Variants in TFAM observed in about 807,000 individuals in gnomAD.
The protein encoded by TFAM is mitochondrial transcription factor 1.
TFAM carries 13 observed loss-of-function variants against 30.6 expected under a neutral mutation model. That is an observed-to-expected ratio of 0.42 (90% CI 0.28 to 0.67). The LOEUF is 0.67. Among genes scored for constraint, TFAM ranks in the 30% least tolerant of loss-of-function variants. TFAM has a pLI of 0.21. For synonymous variants in TFAM, 106 were observed against 94.8 expected, an observed-to-expected ratio of 1.12 and a Z score of -0.69; for missense variants, 231 against 293.7, an observed-to-expected ratio of 0.79 and a Z score of 1.56.
At chr10:58,385,840 G>T (rs1840476967) in intron 1 of TFAM, among the ~76,000 whole-genome samples, 192 bp downstream of exon 1, 1 of 152,098 alleles carries the variant, frequency 6.6e-6, no homozygotes, top group Non-Finnish European at 1.5e-5. Flanking sequence ...TTAATACGCC[G>T]TACCTTCTTG....
Position 58,398,668 on chromosome 10 carries a change from T to A in TFAM, c.*3594T>A, listed in dbSNP as rs1840733800. Reference sequence around the variant, plus strand: ...AAGTAATTAGAACACTTTATTGATTTTTCTGATGTTTTCTGTATCTAAAAT... The same window carrying A: ...AAGTAATTAGAACACTTTATTGATTATTCTGATGTTTTCTGTATCTAAAAT... On this transcript the variant is annotated 3_prime_UTR_variant, in exon 7 of 7. Transcript: ENST00000487519. 1 of 152,226 alleles carries A rather than the reference T, an allele frequency of 6.6e-6. No homozygotes were observed. The highest frequency in any genetic ancestry group is 1.5e-5 in the Non-Finnish European group (1 of 68,046). The allele number at this position is 152,226 out of a possible 1,614,324, so 9.4% of individuals were successfully genotyped here.
intron 3 of TFAM, 60 bp from the exon 4 acceptor site, chr10:58,388,610 T>G: frequency 6.3e-7 from 1 of 1,582,742 alleles, no homozygotes; most frequent in South Asian, 1.1e-5. Flanking sequence ...TTCCCTGGCA[T>G]GTGCTATGTT....
rs1806034852 is a variant in TFAM at position 58,397,247 on chromosome 10, C to T, written c.*2173C>T. 6.6e-6 allele frequency: 1 copy of T among 152,128 alleles called. No homozygotes were observed. Among genetic ancestry groups the T allele is most frequent in the Admixed American group, 6.5e-5 (1 of 15,280 alleles). 9.4% of individuals were successfully genotyped at this position (152,128 alleles called of 1,614,324 possible). ...ATAGAGGAATGAGTTACATAAACAT[C>T]TCGGGACAAATGCAGCATAGAAAAC... On this transcript the variant is annotated 3_prime_UTR_variant, in exon 7 of 7. Transcript: ENST00000487519.
In TFAM at chr10:58,398,945, T is replaced by C. The variant is rs549316649; in HGVS notation, c.*3871T>C. 1 of 152,352 alleles carries C rather than the reference T, an allele frequency of 6.6e-6. No individual in the cohort carries two copies. Among genetic ancestry groups the C allele is most frequent in the African/African-American group, 2.4e-5 (1 of 41,580 alleles). The allele number at this position is 152,352 out of a possible 1,614,324, so 9.4% of individuals were successfully genotyped here. ...AGTAATGTTCTTTTTAAAATTGAAC[T>C]TCTGCAGAGTAAGAAAATGAATACA... On this transcript the variant is annotated 3_prime_UTR_variant, in exon 7 of 7. Coordinates refer to ENST00000487519, the MANE Select transcript of TFAM (RefSeq NM_003201.3).
At chr10:58,388,393 T>C (rs976487215) in intron 3 of TFAM, 133 bp downstream of exon 3, 1 of 826,042 alleles carries the variant, frequency 1.2e-6, no homozygotes, top group African/African-American at 1.7e-5. Context: ...CTTTATGTCT[T>C]CTCATCTGCA....
At chr10:58,388,034 G>C (rs1840523316) in intron 2 of TFAM, among the ~76,000 whole-genome samples, 156 bp from the exon 3 acceptor site, 1 of 152,104 alleles carries the variant, frequency 6.6e-6, no homozygotes, top group Non-Finnish European at 1.5e-5. Context: ...GATAATGTTG[G>C]ATAAATTACT....
chr10:58,396,866 T>C lies in TFAM; in HGVS notation c.*1792T>C, dbSNP rs957631542. 4.6e-5 allele frequency: 7 copies of C among 152,184 alleles called. No individual in the cohort carries two copies. Among genetic ancestry groups the C allele is most frequent in the African/African-American group, 1.7e-4 (7 of 41,436 alleles). The allele number at this position is 152,184 out of a possible 1,614,324, so 9.4% of individuals were successfully genotyped here. On this transcript the variant is annotated 3_prime_UTR_variant, in exon 7 of 7. Transcript: ENST00000487519. The stretch of plus-strand genomic sequence containing the variant: ...TTATGAGGAAATATGAGGCTTTAAA[T>C]ATATAAAGTTGGATATTTTAAAATA...
chr10:58,386,090 C>A, intron 1 of TFAM, 130 bp from the exon 2 acceptor site: 1 of 786,794 alleles, frequency 1.3e-6, no homozygotes, highest in East Asian at 2.4e-5. Context: ...AAGTCTCTAG[C>A]ATTCTTGTTG....
intron 5 of TFAM, among the ~76,000 whole-genome samples, chr10:58,392,767 C>T (rs531569482): frequency 4.0e-4 from 61 of 151,884 alleles, no homozygotes; most frequent in Non-Finnish European, 6.3e-4. Flanking sequence ...CTCTGCCTTC[C>T]GGGCTCAAGC....
rs1261713189 is a variant in TFAM at position 58,397,542 on chromosome 10, T to C, written c.*2468T>C. 1 of 152,154 alleles carries C rather than the reference T, an allele frequency of 6.6e-6. No individual in the cohort carries two copies. Among genetic ancestry groups the C allele is most frequent in the Admixed American group, 6.5e-5 (1 of 15,280 alleles). The allele number at this position is 152,154 out of a possible 1,614,324, so 9.4% of individuals were successfully genotyped here. On this transcript the variant is annotated 3_prime_UTR_variant, in exon 7 of 7. Transcript: ENST00000487519. Reference sequence around the variant, plus strand: ...TAAAATAATGTAATTTTTAATATTTTAAATAATAGGATAACCTGGTTTCCA... The same window carrying C: ...TAAAATAATGTAATTTTTAATATTTCAAATAATAGGATAACCTGGTTTCCA...
intron 5 of TFAM, among the ~76,000 whole-genome samples, chr10:58,392,623 A>G (rs1840617779): frequency 6.6e-6 from 1 of 151,844 alleles, no homozygotes; most frequent in Non-Finnish European, 1.5e-5. Context: ...ACAGAGTGAC[A>G]CTATTTTACT....
intron 5 of TFAM, among the ~76,000 whole-genome samples, chr10:58,393,931 A>G (rs1035829860): frequency 1.3e-5 from 2 of 152,098 alleles, no homozygotes; most frequent in East Asian, 3.9e-4. Flanking sequence ...TTAATTTTAT[A>G]AATGAAGAGC....
chr10:58,385,741 A>G (rs1840474081), intron 1 of TFAM, 93 bp downstream of exon 1: 3 of 967,532 alleles, frequency 3.1e-6, no homozygotes, highest in Admixed American at 2.0e-5. Flanking sequence ...TGCCCCTCCT[A>G]GGAGTTCAGA....
intron 5 of TFAM, 151 bp downstream of exon 5, chr10:58,391,011 T>C: frequency 1.4e-6 from 1 of 715,414 alleles, no homozygotes; most frequent in Non-Finnish European, 2.3e-6. Flanking sequence ...TCTTTTTTCT[T>C]ACCATATACA....
Position 58,388,248 on chromosome 10 carries a change from T to C in TFAM, c.279T>C (p.Asp93=), listed in dbSNP as rs1353821850. 3 of 1,613,996 alleles carry C rather than the reference T, an allele frequency of 1.9e-6. No homozygotes were observed. The Admixed American group carries it at 5.0e-5, about 27-fold the overall frequency. Residue 93 remains aspartate (D), a synonymous_variant, in exon 3 of 7, where the codon GAT becomes GAC. Transcript: ENST00000487519. ...CCCAGCGTTGGAGGGAACTTCCTGA[T>C]TCAAAGAAAAAAGTAAGCACATAAG... is the stretch of plus-strand genomic sequence containing the variant. ...RIAQRWRELP[D]SKKKIYQDAY...
In TFAM at chr10:58,385,433, A is replaced by T; in HGVS notation, c.-115A>T. 2.7e-6 allele frequency: 2 copies of T among 750,030 alleles called. No individual in the cohort carries two copies. The highest frequency in any genetic ancestry group is 2.3e-6 in the Non-Finnish European group (1 of 436,866). The allele number at this position is 750,030 out of a possible 1,614,324, so 46.5% of individuals were successfully genotyped here. A position where few individuals can be genotyped will look rare whatever the true frequency, so the allele number is the denominator to read the frequency against. ...CCATAGTGCCTCGCTAGTGGCGGGC[A>T]TGATAACACACGCCGGAGGGTCGCA... On this transcript the variant is annotated 5_prime_UTR_variant, in exon 1 of 7. The change abolishes an upstream ATG in the 5' untranslated region. Transcript: ENST00000487519.
chr10:58,390,925 A>G, intron 5 of TFAM, 65 bp downstream of exon 5: 2 of 1,395,186 alleles, frequency 1.4e-6, no homozygotes, highest in East Asian at 2.5e-5. Flanking sequence ...CTAGAGTGCC[A>G]TGTGTCAGGT....
intron 5 of TFAM, among the ~76,000 whole-genome samples, chr10:58,393,739 A>T (rs913128187): frequency 2.0e-5 from 3 of 152,042 alleles, no homozygotes; most frequent in Non-Finnish European, 4.4e-5. Context: ...AAAGTTTTTT[A>T]AAAAAATTAA....
rs1589016080 is a variant in TFAM, at chr10:58,397,261, A to G, written c.*2187A>G. 1 of 152,218 alleles carries G rather than the reference A, an allele frequency of 6.6e-6. No homozygotes were observed. The highest frequency in any genetic ancestry group is 2.1e-4 in the South Asian group (1 of 4,832). 9.4% of individuals were successfully genotyped at this position (152,218 alleles called of 1,614,324 possible). ...TACATAAACATCTCGGGACAAATGCAGCATAGAAAACATCTTTGTAGTTAC... is the reference window on the plus strand; with the variant it reads ...TACATAAACATCTCGGGACAAATGCGGCATAGAAAACATCTTTGTAGTTAC... On this transcript the variant is annotated 3_prime_UTR_variant, in exon 7 of 7. Coordinates refer to ENST00000487519, the MANE Select transcript of TFAM (RefSeq NM_003201.3).
Sources: allele counts gnomAD v4.1 joint callset (sites outside exome capture counted in the v4.1 genomes callset), GRCh38; gene constraint gnomAD v4.1.1; transcripts MANE v1.5; gene names NCBI Gene and HGNC (gene_info 2026-07-23, HGNC 2026-07-21).